Variants in CPSF1 observed in about 807,000 individuals in gnomAD.
The protein encoded by CPSF1 is cleavage and polyadenylation specificity factor subunit 1.
CPSF1 carries 106 observed loss-of-function variants against 175.8 expected under a neutral mutation model. The observed-to-expected ratio is 0.60, with a 90% CI of 0.52 to 0.71. CPSF1 has a LOEUF of 0.71. Among genes scored for constraint, CPSF1 ranks in the 30% least tolerant of loss-of-function variants. CPSF1 has a pLI of 0.00. For synonymous variants in CPSF1, 1,024 were observed against 858.3 expected, an observed-to-expected ratio of 1.19 and a Z score of -3.37; for missense variants, 1,734 against 2,022.9, an observed-to-expected ratio of 0.86 and a Z score of 2.74.
In CPSF1 at chr8:144,395,503, G is replaced by C. The variant is rs1820667021; in HGVS notation, c.3028C>G (p.Pro1010Ala). ...VLPAYLSYDA[P>A]WPVRKIPLRC... Reference sequence around the variant, plus strand: ...AGCGGGATCTTCCTGACAGGCCATGGGGCATCATAGGACAGGTAGGCAGGC... The same window carrying C: ...AGCGGGATCTTCCTGACAGGCCATGCGGCATCATAGGACAGGTAGGCAGGC... Residue 1010 changes from proline (P) to alanine (A), a missense_variant, in exon 27 of 38, where the codon CCA (proline) becomes GCA (alanine). Around this residue, in one of 10 missense-constraint regions of CPSF1, gnomAD observed 585 missense variants for 584.7 expected, o/e 1.00. Transcript: ENST00000616140. The C allele has an allele frequency of 6.2e-7, 1 of 1,608,416 alleles. No homozygotes were observed. Among genetic ancestry groups the C allele is most frequent in the African/African-American group, 1.3e-5 (1 of 74,626 alleles).
chr8:144,403,994 C>T (rs1821359596), intron 2 of CPSF1, among the ~76,000 whole-genome samples: 1 of 151,556 alleles, frequency 6.6e-6, no homozygotes, highest in African/African-American at 2.4e-5. Flanking sequence ...GTGGGTGGAT[C>T]ACCTGAGGTA....
At chr8:144,402,360 T>A (rs2116890793) in intron 2 of CPSF1, among the ~76,000 whole-genome samples, 30 of 152,334 alleles carry the variant, frequency 2.0e-4, no homozygotes, top group African/African-American at 7.2e-4. Flanking sequence ...CAGGCTGAAG[T>A]GCAGTGGCGT....
intron 30 of CPSF1, 23 bp from the exon 31 acceptor site, chr8:144,394,819 TGGGATGGCTGTG>T (rs782069957): frequency 1.2e-6 from 2 of 1,612,310 alleles, no homozygotes; most frequent in Non-Finnish European, 1.7e-6. Flanking sequence ...GGTATGGCTG[TGGGATGGCTGTG>T]GGGATGGCAG....
In CPSF1 at chr8:144,401,662, C is replaced by G; in HGVS notation, c.156G>C (p.Lys52Asn). 6.2e-7 allele frequency: 1 copy of G among 1,609,846 alleles called. No homozygotes were observed. The highest frequency in any genetic ancestry group is 1.1e-5 in the South Asian group (1 of 90,244). The change falls in exon 3 of 38, where the codon AAG becomes AAC. Residue 52 changes from lysine to asparagine, a missense_variant. Lys to Asn is a moderately conservative substitution (Grantham distance 94). Transcript: ENST00000616140. The stretch of plus-strand genomic sequence containing the variant: ...CACACTCACCTGTGCTCCTGTCATT[C>G]TTGGTCAGAGCCTGGAGGGGAGAGA... ...RLNRDAEALT[K>N]NDRSTEGKAH...
chr8:144,397,643 C>T lies in CPSF1; in HGVS notation c.2229G>A (p.Glu743=). 1 of 1,533,328 alleles carries T rather than the reference C, an allele frequency of 6.5e-7. No individual in the cohort carries two copies. Among genetic ancestry groups the T allele is most frequent in the East Asian group, 2.3e-5 (1 of 43,960 alleles). 95.0% of individuals were successfully genotyped at this position (1,533,328 alleles called of 1,614,324 possible). Residue 743 remains glutamate, a synonymous_variant, in exon 22 of 38, where the codon GAG becomes GAA. Coordinates refer to ENST00000616140, the MANE Select transcript of CPSF1 (RefSeq NM_013291.3). Reference sequence around the variant, plus strand: ...CCGAATCCCCATACAGCATCTCCTCCTCGTCATCCACTGTGGGGCTGGGGG... The same window carrying T: ...CCGAATCCCCATACAGCATCTCCTCTTCGTCATCCACTGTGGGGCTGGGGG... ...GSETSPTVDD[E]EEMLYGDSGS...
At chr8:144,403,540 C>T (rs1821335332) in intron 2 of CPSF1, among the ~76,000 whole-genome samples, 1 of 151,924 alleles carries the variant, frequency 6.6e-6, no homozygotes, top group Non-Finnish European at 1.5e-5. Flanking sequence ...AGTCACCACA[C>T]CTGACTAATT....
At chr8:144,403,098 ATTTTT>A (rs1231766653) in intron 2 of CPSF1, among the ~76,000 whole-genome samples, 1 of 143,648 alleles carries the variant, frequency 7.0e-6, no homozygotes, top group Non-Finnish European at 1.5e-5. Flanking sequence ...TAGGAGGAAA[ATTTTT>A]TTTTTTTTTT....
In CPSF1 at chr8:144,402,136, G is replaced by A. The variant is rs2116889289; in HGVS notation, c.145-463C>T. On this transcript the variant is annotated intron_variant, in intron 2 of 37. Transcript: ENST00000616140. ...AGAGGAAGCCCTGCGCTATCCTGAC[G>A]CCTCGGGCTCCCCCAGGCTGCCTCT... Among the ~76,000 whole-genome samples the A allele has an allele frequency of 4.8e-5, 7 of 145,462 alleles. No individual in the cohort carries two copies. In the South Asian group the frequency reaches 8.8e-4, roughly 18 times the overall value.
Position 144,394,568 on chromosome 8 carries a change from G to A in CPSF1, c.3568-13C>T. On this transcript the variant is annotated splice_polypyrimidine_tract_variant and intron_variant, in intron 31 of 37. Coordinates refer to ENST00000616140, the MANE Select transcript of CPSF1 (RefSeq NM_013291.3). ...TCCACAGGAAAATCTGGGGGCGAGG[G>A]CGAGGGTGAGCGGGCGCGGACGGGG... 1.9e-6 allele frequency: 3 copies of A among 1,606,860 alleles called. No individual in the cohort carries two copies. The highest frequency in any genetic ancestry group is 2.5e-6 in the Non-Finnish European group (3 of 1,177,100).
chr8:144,394,582 G>A (rs1202594150), intron 31 of CPSF1, 27 bp from the exon 32 acceptor site: 1 of 1,604,436 alleles, frequency 6.2e-7, no homozygotes, highest in Non-Finnish European at 8.5e-7. Flanking sequence ...GGGTGAGCGG[G>A]CGCGGACGGG....
rs782788902 is a variant in CPSF1 at position 144,394,057 on chromosome 8, G to A, written c.3860-19C>T. ...TCCTTGGCTAGACCAGAAAGGCCTA[G>A]GGGTCACTGCTAGCCCAGCCCCGGC... On this transcript the variant is annotated intron_variant, in intron 34 of 37. Coordinates refer to ENST00000616140, the MANE Select transcript of CPSF1 (RefSeq NM_013291.3). The A allele has an allele frequency of 6.2e-7, 1 of 1,610,908 alleles. No homozygotes were observed. Among genetic ancestry groups the A allele is most frequent in the Non-Finnish European group, 8.5e-7 (1 of 1,178,238 alleles).
chr8:144,395,071 A>AC (rs781852476), intron 29 of CPSF1, 27 bp downstream of exon 29: 1 of 1,602,674 alleles, frequency 6.2e-7, no homozygotes, highest in Non-Finnish European at 8.5e-7. Context: ...CCTTGGGCAG[A>AC]CCCCACCCCC....
intron 2 of CPSF1, among the ~76,000 whole-genome samples, chr8:144,403,765 G>A (rs1821350910): frequency 6.6e-6 from 1 of 151,568 alleles, no homozygotes; most frequent in Admixed American, 6.6e-5. Context: ...GGCCAGGATG[G>A]TCTCGAACCC....
chr8:144,405,731 G>A (rs1554868899), intron 2 of CPSF1, among the ~76,000 whole-genome samples: 2 of 152,216 alleles, frequency 1.3e-5, no homozygotes, highest in African/African-American at 4.8e-5. Flanking sequence ...TGGCAGGGAC[G>A]GTGCCCTCCT....
At position 144,399,002 on chromosome 8, in the gene CPSF1, C is replaced by T. The variant is rs2116857003; in HGVS notation, c.1504G>A (p.Val502Ile). 1.2e-6 allele frequency: 2 copies of T among 1,611,512 alleles called. No individual in the cohort carries two copies. Among genetic ancestry groups the T allele is most frequent in the Middle Eastern group, 3.3e-4 (2 of 6,060 alleles). The change falls in exon 16 of 38, where the codon GTT becomes ATT. Residue 502 changes from valine (V) to isoleucine (I), a missense_variant. Physicochemically the swap from Val to Ile is conservative, Grantham distance 29 (BLOSUM62 3). Coordinates refer to ENST00000616140, the MANE Select transcript of CPSF1 (RefSeq NM_013291.3). The surrounding 1 kb of genome is among the most constrained non-coding windows in gnomAD (Gnocchi z 6.4). Reference protein sequence around the residue: ...NSPEPDLEIVVCSGHGKNGAL... With the variant: ...NSPEPDLEIVICSGHGKNGAL... ...CCGTTCTTCCCGTGGCCGGAGCAAACCACAATCTCCAGGTCCGGCTCGGGG... is the reference window on the plus strand; with the variant it reads ...CCGTTCTTCCCGTGGCCGGAGCAAATCACAATCTCCAGGTCCGGCTCGGGG...
At position 144,393,928 on chromosome 8, in the gene CPSF1, T is replaced by C. The variant is rs1820521401; in HGVS notation, c.3970A>G (p.Ser1324Gly). 1.9e-6 allele frequency: 3 copies of C among 1,613,430 alleles called. No homozygotes were observed. The highest frequency in any genetic ancestry group is 2.2e-5 in the South Asian group (2 of 91,060). ...TPCRGATEGL[S>G]KKSVVWENKH... ...TTCTCCCACACGACCGACTTTTTGC[T>C]GAGCCCTTCAGTGGCCCCCCGGCAC... Residue 1324 changes from serine (S) to glycine (G), a missense_variant, in exon 35 of 38, where the codon AGC becomes GGC. Ser to Gly is a moderately conservative substitution (Grantham distance 56). Transcript: ENST00000616140.
intron 32 of CPSF1, 32 bp downstream of exon 32, chr8:144,394,347 C>A (rs1554862705): frequency 6.3e-7 from 1 of 1,590,030 alleles, no homozygotes; most frequent in Non-Finnish European, 8.6e-7. Flanking sequence ...CGGGTACCCA[C>A]CCAGACACGA....
In CPSF1 at chr8:144,396,311, C is replaced by T. The variant is rs371029615; in HGVS notation, c.2979+37G>A. 6 of 1,559,552 alleles carry T rather than the reference C, an allele frequency of 3.8e-6. No individual in the cohort carries two copies. In the African/African-American group the frequency reaches 8.1e-5, roughly 21 times the overall value. ...CCCCCTCAGCCCCCAGCTGGGGCAG[C>T]ATCAGCCAGTGCTGCTGGGAACCGG... is the stretch of plus-strand genomic sequence containing the variant. On this transcript the variant is annotated intron_variant, in intron 26 of 37. Transcript: ENST00000616140.
Position 144,400,104 on chromosome 8 carries a change from G to A in CPSF1, c.938-19C>T. ...TGGGTGCCTGTGGGGTGGGTGGTCA[G>A]GCCGACTAGGCAGGCCCAAGCCGTC... On this transcript the variant is annotated intron_variant, in intron 9 of 37. Transcript: ENST00000616140. The A allele has an allele frequency of 6.3e-7, 1 of 1,595,616 alleles. No homozygotes were observed. Among genetic ancestry groups the A allele is most frequent in the Non-Finnish European group, 8.5e-7 (1 of 1,173,140 alleles).
Sources: allele counts gnomAD v4.1 joint callset (sites outside exome capture counted in the v4.1 genomes callset), GRCh38; gene constraint gnomAD v4.1.1; regional missense constraint gnomAD v4.1.1; non-coding constraint Gnocchi (gnomAD v3.1); transcripts MANE v1.5; gene names NCBI Gene and HGNC (gene_info 2026-07-23, HGNC 2026-07-21).